Variants in PDE4D observed in about 807,000 individuals in gnomAD.
The protein encoded by PDE4D is 3',5'-cyclic-AMP phosphodiesterase 4D.
PDE4D carries 24 observed loss-of-function variants against 87.4 expected under a neutral mutation model. The ratio of observed to expected loss-of-function variants is 0.27; its 90% CI spans 0.20 to 0.39. The LOEUF is 0.39. Ranked by LOEUF, PDE4D falls within the 10% of genes least tolerant of loss-of-function variation. PDE4D has a pLI of 1.00. For synonymous variants in PDE4D, 384 were observed against 383.2 expected, an observed-to-expected ratio of 1.00 and a Z score of -0.02; for missense variants, 714 against 1,041.0, an observed-to-expected ratio of 0.69 and a Z score of 4.32.
chr5:59,672,750 C>A (rs1747436170), intron 1 of PDE4D, among the ~76,000 whole-genome samples: 1 of 152,020 alleles, frequency 6.6e-6, no homozygotes, highest in African/African-American at 2.4e-5. Flanking sequence ...TGCATATGAT[C>A]TTAAAATTGC....
At chr5:60,468,302 C>A (rs1244657206) in intron 1 of PDE4D, among the ~76,000 whole-genome samples, 1 of 151,952 alleles carries the variant, frequency 6.6e-6, no homozygotes, top group African/African-American at 2.4e-5. Context: ...CCACACCTGG[C>A]TAATTTCTAT....
chr5:59,179,380 G>A (rs935843920), intron 5 of PDE4D, among the ~76,000 whole-genome samples: 2 of 152,154 alleles, frequency 1.3e-5, no homozygotes, highest in Non-Finnish European at 2.9e-5. Flanking sequence ...GAGATTACAA[G>A]CGTGAGCCAC....
chr5:59,190,107 T>G (rs1743982716), intron 3 of PDE4D, among the ~76,000 whole-genome samples: 1 of 152,194 alleles, frequency 6.6e-6, no homozygotes, highest in Admixed American at 6.5e-5. Flanking sequence ...AAACCATGAT[T>G]CGTGTTTTGG....
intron 1 of PDE4D, among the ~76,000 whole-genome samples, chr5:59,857,059 C>G (rs1745546987): frequency 6.6e-6 from 1 of 152,210 alleles, no homozygotes; most frequent in East Asian, 1.9e-4. Flanking sequence ...CGTCATCTGC[C>G]AGCTTCTAAA....
chr5:59,057,274 C>G (rs2153408890), intron 5 of PDE4D, among the ~76,000 whole-genome samples: 1 of 152,262 alleles, frequency 6.6e-6, no homozygotes, highest in South Asian at 2.1e-4. Context: ...TTTAAGAGAA[C>G]AGTTTTTGGA....
At chr5:60,442,747 C>T (rs1745339438) in intron 1 of PDE4D, among the ~76,000 whole-genome samples, 1 of 152,034 alleles carries the variant, frequency 6.6e-6, no homozygotes, top group Non-Finnish European at 1.5e-5. Context: ...ACAACTCATT[C>T]TTAGGTCTCA....
chr5:59,289,048 T>C (rs941969446), intron 1 of PDE4D, among the ~76,000 whole-genome samples: 4 of 152,022 alleles, frequency 2.6e-5, no homozygotes, highest in Admixed American at 1.3e-4. Context: ...ACACAGAATA[T>C]TATAACACTG....
intron 1 of PDE4D, among the ~76,000 whole-genome samples, chr5:59,316,529 T>G (rs1773775597): frequency 6.6e-6 from 1 of 152,146 alleles, no homozygotes; most frequent in Non-Finnish European, 1.5e-5. Context: ...AAGCTCAGAG[T>G]AAATTTCCAT....
chr5:59,989,661 C>T (rs932096581), intron 2 of PDE4D, among the ~76,000 whole-genome samples: 1 of 152,114 alleles, frequency 6.6e-6, no homozygotes, highest in Non-Finnish European at 1.5e-5. Flanking sequence ...ATGTTATCCA[C>T]ATGCAAAGGT....
intron 2 of PDE4D, among the ~76,000 whole-genome samples, chr5:60,068,670 T>C (rs1009098180): frequency 5.3e-5 from 8 of 152,042 alleles, no homozygotes; most frequent in Non-Finnish European, 1.0e-4. Flanking sequence ...TTCAGCTCAC[T>C]GCAACCTCTG....
At chr5:59,952,094 G>C (rs1366255208) in intron 3 of PDE4D, among the ~76,000 whole-genome samples, 1 of 152,108 alleles carries the variant, frequency 6.6e-6, no homozygotes, top group Non-Finnish European at 1.5e-5. Context: ...TTGTGATAGT[G>C]AGTGAATTCT....
At chr5:60,487,057 A>G (rs888342638) in intron 1 of PDE4D, among the ~76,000 whole-genome samples, 2 of 152,338 alleles carry the variant, frequency 1.3e-5, no homozygotes, top group African/African-American at 2.4e-5. Flanking sequence ...TTACCAGTCT[A>G]TACTCAGTAT....
At position 60,339,921 on chromosome 5, in the gene PDE4D, T is replaced by A. The variant is rs540418582; in HGVS notation, c.-90+148021A>T. 3.4e-4 allele frequency among the ~76,000 whole-genome samples: 52 copies of A among 152,366 alleles called. No individual in the cohort carries two copies. In the South Asian group the frequency reaches 0.011, roughly 31 times the overall value. ...GCAGTTGGAAATGTGCCGCTTTTAT[T>A]TGGCAGAGTCAAATCTCCTCCAAAC... is the stretch of plus-strand genomic sequence containing the variant. On this transcript the variant is annotated intron_variant, in intron 1 of 16. Coordinates refer to the PDE4D transcript ENST00000502484.
At chr5:60,334,140 T>C (rs1757545472) in intron 1 of PDE4D, among the ~76,000 whole-genome samples, 1 of 152,222 alleles carries the variant, frequency 6.6e-6, no homozygotes, top group African/African-American at 2.4e-5. Flanking sequence ...TCAAGGTCTC[T>C]CCACATTTCT....
intron 1 of PDE4D, among the ~76,000 whole-genome samples, chr5:60,238,197 A>C (rs995668462): frequency 1.3e-5 from 2 of 151,930 alleles, no homozygotes; most frequent in Non-Finnish European, 2.9e-5. Context: ...TTGTTTATTA[A>C]ATTTATTAAC....
chr5:60,052,504 A>G (rs1385758916), intron 2 of PDE4D, among the ~76,000 whole-genome samples: 5 of 151,850 alleles, frequency 3.3e-5, no homozygotes, highest in Non-Finnish European at 5.9e-5. Flanking sequence ...CATGCTAAAA[A>G]CTCTCAATAC....
At chr5:59,770,761 A>T (rs1450862251) in intron 1 of PDE4D, among the ~76,000 whole-genome samples, 2 of 152,204 alleles carry the variant, frequency 1.3e-5, no homozygotes, top group African/African-American at 4.8e-5. Flanking sequence ...TAGTTTCTGA[A>T]GACTCAGTTC....
chr5:59,412,367 A>T (rs1792834017), intron 1 of PDE4D, among the ~76,000 whole-genome samples: 1 of 152,200 alleles, frequency 6.6e-6, no homozygotes, highest in South Asian at 2.1e-4. Context: ...CAGAAGAGAA[A>T]GTGAAGAATT....
intron 1 of PDE4D, among the ~76,000 whole-genome samples, chr5:60,384,767 G>A (rs889794961): frequency 3.9e-5 from 6 of 152,020 alleles, no homozygotes; most frequent in African/African-American, 1.5e-4. Flanking sequence ...TACTACTCAG[G>A]GGCTGATGCT....
Sources: allele counts gnomAD v4.1 joint callset (sites outside exome capture counted in the v4.1 genomes callset), GRCh38; gene constraint gnomAD v4.1.1; transcripts MANE v1.5; gene names NCBI Gene and HGNC (gene_info 2026-07-23, HGNC 2026-07-21).